Variants in GSG1L observed in about 807,000 individuals in gnomAD.
GSG1L encodes GSG1 like.
A neutral mutation model predicts 42.1 loss-of-function variants in GSG1L; 24 were observed. The observed-to-expected ratio is 0.57, with a 90% CI of 0.41 to 0.80. The LOEUF (loss-of-function observed/expected upper bound fraction) is 0.80. Ranked by LOEUF, GSG1L falls within the 30% of genes least tolerant of loss-of-function variation. The probability of loss-of-function intolerance (pLI) is 0.00; values close to 1 mark genes in which losing one functional copy is unlikely to be tolerated. For missense variants in GSG1L, 445 were observed against 472.2 expected (o/e 0.94, Z 0.53); for synonymous variants, 215 against 203.5 (o/e 1.06, Z -0.48).
intron 5 of GSG1L, among the ~76,000 whole-genome samples, chr16:27,810,048 C>T (rs941362913): frequency 2.0e-5 from 3 of 152,340 alleles, no homozygotes; most frequent in South Asian, 2.1e-4. Context: ...CATTCATTCG[C>T]TCATTCACCA....
intron 1 of GSG1L, among the ~76,000 whole-genome samples, chr16:28,062,776 G>C (rs1361890610): frequency 6.6e-6 from 1 of 152,140 alleles, no homozygotes. Context: ...ACCGGCAGCG[G>C]GGGTGGGCGC....
At chr16:27,995,714 C>T (rs2085508155) in intron 1 of GSG1L, among the ~76,000 whole-genome samples, 1 of 152,012 alleles carries the variant, frequency 6.6e-6, no homozygotes, top group South Asian at 2.1e-4. Flanking sequence ...ATGAGGGACA[C>T]GAGTCCCAGT....
In GSG1L at chr16:28,063,477, A is replaced by G. The variant is rs1261512634; in HGVS notation, c.-53T>C. 9.1e-7 allele frequency: 1 copy of G among 1,100,788 alleles called. No homozygotes were observed. Among genetic ancestry groups the G allele is most frequent in the Non-Finnish European group, 1.1e-6 (1 of 896,506 alleles). 68.2% of individuals were successfully genotyped at this position (1,100,788 alleles called of 1,614,324 possible). A position where few individuals can be genotyped will look rare whatever the true frequency, so the allele number is the denominator to read the frequency against. ...CACCGCCGGGGAGCTCCGCGCGCGA[A>G]GTTGGCAGCTGGCGCCCCGCGTCAG... On this transcript the variant is annotated 5_prime_UTR_variant, in exon 1 of 7. Coordinates refer to ENST00000447459, the MANE Select transcript of GSG1L (RefSeq NM_001109763.2). This position sits in a 1 kb window ranked among gnomAD's most constrained non-coding sequence, Gnocchi z 5.8.
intron 1 of GSG1L, among the ~76,000 whole-genome samples, chr16:28,022,559 C>T (rs2085856269): frequency 6.6e-6 from 1 of 152,110 alleles, no homozygotes; most frequent in South Asian, 2.1e-4. Flanking sequence ...ACTGCAGGCT[C>T]CGCCTTCTGG....
intron 5 of GSG1L, among the ~76,000 whole-genome samples, chr16:27,821,908 GTAAA>G (rs10544246): frequency 0.5 from 74,733 of 149,924 alleles, 19,006 homozygotes; most frequent in Admixed American, 0.6. Flanking sequence ...TCTCAAAAAA[GTAAA>G]TAAATAAATA....
intron 1 of GSG1L, among the ~76,000 whole-genome samples, chr16:28,039,531 T>A (rs2086080660): frequency 6.6e-6 from 1 of 151,742 alleles, no homozygotes; most frequent in African/African-American, 2.4e-5. Context: ...CCACACATAC[T>A]CATTCACACA....
intron 5 of GSG1L, among the ~76,000 whole-genome samples, chr16:27,825,584 C>T (rs2083199800): frequency 6.6e-6 from 1 of 152,076 alleles, no homozygotes; most frequent in South Asian, 2.1e-4. Flanking sequence ...CCACTTAAGC[C>T]CAGGAGGTCG....
intron 2 of GSG1L, among the ~76,000 whole-genome samples, chr16:27,891,583 C>A (rs2084126928): frequency 1.3e-5 from 2 of 152,262 alleles, no homozygotes; most frequent in African/African-American, 4.8e-5. Context: ...AGCGATCCTA[C>A]CGCTTCATCT....
intron 2 of GSG1L, among the ~76,000 whole-genome samples, chr16:27,943,896 G>C (rs774251828): frequency 9.2e-5 from 14 of 151,998 alleles, no homozygotes; most frequent in South Asian, 2.1e-4. Context: ...TCTATAAAGG[G>C]ACAGACAGTA....
Position 27,789,477 on chromosome 16 carries a change from T to C in GSG1L, c.*1893A>G, listed in dbSNP as rs983905872. The C allele has an allele frequency of 2.0e-5, 3 of 151,052 alleles. No homozygotes were observed. Among genetic ancestry groups the C allele is most frequent in the African/African-American group, 7.3e-5 (3 of 40,992 alleles). The allele number at this position is 151,052 out of a possible 1,614,324, so 9.4% of individuals were successfully genotyped here. On this transcript the variant is annotated 3_prime_UTR_variant, in exon 7 of 7. Transcript: ENST00000447459. ...GGATAAAGGATGGATGGATGATGGA[T>C]AGATGGATGAATGGATAGATAGTGG...
chr16:28,063,024 C>G lies in GSG1L; in HGVS notation c.349+52G>C. 4 of 1,332,972 alleles carry G rather than the reference C, an allele frequency of 3.0e-6. 1 individual carries two copies. The highest frequency in any genetic ancestry group is 1.9e-6 in the Non-Finnish European group (2 of 1,041,050). 82.6% of individuals were successfully genotyped at this position (1,332,972 alleles called of 1,614,324 possible). A position where few individuals can be genotyped will look rare whatever the true frequency, so the allele number is the denominator to read the frequency against. On this transcript the variant is annotated intron_variant, in intron 1 of 6. Coordinates refer to ENST00000447459, the MANE Select transcript of GSG1L (RefSeq NM_001109763.2). This position sits in a 1 kb window ranked among gnomAD's most constrained non-coding sequence, Gnocchi z 5.8. ...TCCGGGGCTCGGGCCTCGATGGCCG[C>G]GCCGCCCCGGGGGAGCCGGAGCCGA...
intron 2 of GSG1L, among the ~76,000 whole-genome samples, chr16:27,947,569 G>GAA (rs1226176506): frequency 1.1e-5 from 1 of 93,980 alleles, no homozygotes; most frequent in Non-Finnish European, 2.6e-5. Context: ...AAGAAAGAAA[G>GAA]AAAGAAAGAA....
At chr16:27,861,917 G>T (rs895429358) in intron 3 of GSG1L, among the ~76,000 whole-genome samples, 2 of 152,122 alleles carry the variant, frequency 1.3e-5, no homozygotes, top group Admixed American at 6.5e-5. Flanking sequence ...CCACTCTGAC[G>T]AGCCAGAGAC....
chr16:27,914,772 A>G (rs2084432569), intron 2 of GSG1L, among the ~76,000 whole-genome samples: 1 of 152,182 alleles, frequency 6.6e-6, no homozygotes, highest in African/African-American at 2.4e-5. Flanking sequence ...TATTATTTTT[A>G]GTAATAATAA....
Position 27,975,324 on chromosome 16 carries a change from G to A in GSG1L, c.350-12121C>T, listed in dbSNP as rs574321451. On this transcript the variant is annotated intron_variant, in intron 1 of 6. Transcript: ENST00000447459. ...GAGTCCAGGCAGTTCCCAGGGCACC[G>A]AGAAGGGCAGGGAATGGACATGGAG... 7.8e-4 allele frequency among the ~76,000 whole-genome samples: 119 copies of A among 152,156 alleles called. No homozygotes were observed. The South Asian group carries it at 0.01, about 13-fold the overall frequency.
intron 1 of GSG1L, among the ~76,000 whole-genome samples, chr16:27,985,437 C>A (rs775203236): frequency 2.6e-5 from 4 of 152,190 alleles, no homozygotes; most frequent in African/African-American, 9.6e-5. Flanking sequence ...TTCCCCTTCA[C>A]CATCCGCCAT....
At chr16:27,933,299 T>C (rs2084676871) in intron 2 of GSG1L, among the ~76,000 whole-genome samples, 1 of 152,028 alleles carries the variant, frequency 6.6e-6, no homozygotes, top group Non-Finnish European at 1.5e-5. Flanking sequence ...AACAAGTCCA[T>C]GAGGGCAGGG....
intron 6 of GSG1L, among the ~76,000 whole-genome samples, chr16:27,792,657 C>A (rs1264849093): frequency 1.3e-5 from 2 of 152,144 alleles, no homozygotes; most frequent in Non-Finnish European, 2.9e-5. Context: ...AGAGCACCCA[C>A]CCTCAGCGCA....
At chr16:27,853,379 C>T (rs947192562) in intron 3 of GSG1L, among the ~76,000 whole-genome samples, 9 of 152,214 alleles carry the variant, frequency 5.9e-5, no homozygotes, top group Admixed American at 3.9e-4. Context: ...CGAAGCCTCT[C>T]TTGGTAGCAT....
Sources: allele counts gnomAD v4.1 joint callset (sites outside exome capture counted in the v4.1 genomes callset), GRCh38; gene constraint gnomAD v4.1.1; non-coding constraint Gnocchi (gnomAD v3.1); transcripts MANE v1.5; gene names NCBI Gene and HGNC (gene_info 2026-07-23, HGNC 2026-07-21).